The following ILDR2 variants were observed in gnomAD, a reference collection of about 807,000 sequenced individuals.
ILDR2 encodes the protein immunoglobulin like domain containing receptor 2.
In ILDR2, 25 loss-of-function variants were observed where a neutral mutation model predicts 66.8. The observed-to-expected ratio is 0.37, with a 90% confidence interval of 0.27 to 0.52. The LOEUF (loss-of-function observed/expected upper bound fraction) is 0.52, where lower values mean the gene tolerates loss of function less well. ILDR2 is among the 20% of genes least tolerant of loss of function. ILDR2 has a pLI of 0.88. For missense variants in ILDR2, 827 were observed against 876.8 expected, an observed-to-expected ratio of 0.94 and a Z score of 0.72; for synonymous variants, 367 against 357.2, an observed-to-expected ratio of 1.03 and a Z score of -0.31.
rs1450193547 is a variant in ILDR2 at position 166,917,184 on chromosome 1, G to A, written c.*2171C>T. ...TATGGCTTGTGTCTTCCAGCCCTTG[G>A]AAGTGCCAGCACTGGGTTCAACTGT... On this transcript the variant is annotated 3_prime_UTR_variant, in exon 10 of 10. Transcript: ENST00000271417. 2 of 152,306 alleles carry A rather than the reference G, an allele frequency of 1.3e-5. No homozygotes were observed. Among genetic ancestry groups the A allele is most frequent in the Non-Finnish European group, 2.9e-5 (2 of 68,112 alleles). 9.4% of individuals were successfully genotyped at this position (152,306 alleles called of 1,614,324 possible).
At chr1:166,969,520 T>C (rs892726751) in intron 1 of ILDR2, among the ~76,000 whole-genome samples, 4 of 152,262 alleles carry the variant, frequency 2.6e-5, no homozygotes, top group Admixed American at 2.6e-4. Flanking sequence ...TGGGCTCTGA[T>C]GTGCCATCAG....
Position 166,909,507 on chromosome 1 carries a change from T to A in ILDR2, c.*9848A>T, listed in dbSNP as rs573323267. On this transcript the variant is annotated 3_prime_UTR_variant, in exon 10 of 10. Transcript: ENST00000271417. ...CTTCCTGTCATTTGCAACCAAAAAT[T>A]TTTTTACTAATACAGCTGCCAAAGG... is the stretch of plus-strand genomic sequence containing the variant. 1 of 151,700 alleles carries A rather than the reference T, an allele frequency of 6.6e-6. No homozygotes were observed. The highest frequency in any genetic ancestry group is 6.6e-5 in the Admixed American group (1 of 15,224). 9.4% of individuals were successfully genotyped at this position (151,700 alleles called of 1,614,324 possible). A position where few individuals can be genotyped will look rare whatever the true frequency, so the allele number is the denominator to read the frequency against.
At chr1:166,951,584 G>A (rs1256742946) in intron 3 of ILDR2, among the ~76,000 whole-genome samples, 1 of 151,994 alleles carries the variant, frequency 6.6e-6, no homozygotes, top group Non-Finnish European at 1.5e-5. Context: ...GTACTTTTCT[G>A]TTTTGTTTGA....
chr1:166,970,509 T>C (rs1663222213), intron 1 of ILDR2, among the ~76,000 whole-genome samples: 2 of 152,150 alleles, frequency 1.3e-5, no homozygotes, highest in Non-Finnish European at 1.5e-5. Flanking sequence ...TGCTCAATAT[T>C]TAAGACCAAG....
At chr1:166,969,956 C>A (rs541811209) in intron 1 of ILDR2, among the ~76,000 whole-genome samples, 6 of 152,248 alleles carry the variant, frequency 3.9e-5, no homozygotes, top group African/African-American at 1.4e-4. Flanking sequence ...TTGGCAAGAT[C>A]AAATGGGATA....
At chr1:166,953,433 T>C (rs1662103855) in intron 3 of ILDR2, among the ~76,000 whole-genome samples, 1 of 152,324 alleles carries the variant, frequency 6.6e-6, no homozygotes, top group South Asian at 2.1e-4. Context: ...TTGCCTCTAA[T>C]TTACATCTTT....
intron 6 of ILDR2, 111 bp downstream of exon 6, chr1:166,935,190 G>C: frequency 9.3e-7 from 1 of 1,073,148 alleles, no homozygotes; most frequent in Middle Eastern, 2.8e-4. Context: ...TTCTGGAACA[G>C]AGAAAACTAT....
At position 166,958,076 on chromosome 1, in the gene ILDR2, T is replaced by C. The variant is rs1361803053; in HGVS notation, c.72A>G (p.Thr24=). ...LTAMVEGLQV[T]VPDKKKVAML... is the part of the protein sequence containing the mutation. Reference sequence around the variant, plus strand: ...TGGCCACCTTCTTCTTGTCGGGCACTGTGACCTGAAGGCCTTCGACCATGG... The same window carrying C: ...TGGCCACCTTCTTCTTGTCGGGCACCGTGACCTGAAGGCCTTCGACCATGG... The change falls in exon 2 of 10, where the codon ACA becomes ACG. Residue 24 remains threonine, a synonymous_variant. Coordinates refer to ENST00000271417, the MANE Select transcript of ILDR2 (RefSeq NM_199351.3). The C allele has an allele frequency of 6.2e-7, 1 of 1,611,800 alleles. No individual in the cohort carries two copies. Among genetic ancestry groups the C allele is most frequent in the Non-Finnish European group, 8.5e-7 (1 of 1,178,114 alleles).
chr1:166,973,640 T>C, intron 1 of ILDR2, among the ~76,000 whole-genome samples: 1 of 113,440 alleles, frequency 8.8e-6, no homozygotes, highest in African/African-American at 3.2e-5. Context: ...CCTGGCTGAC[T>C]TCAGTGCTGT....
chr1:166,944,526 C>T (rs1661504922), intron 3 of ILDR2, among the ~76,000 whole-genome samples: 1 of 152,182 alleles, frequency 6.6e-6, no homozygotes, highest in South Asian at 2.1e-4. Context: ...TGGGGCCTTT[C>T]CCTGGAGACC....
intron 3 of ILDR2, among the ~76,000 whole-genome samples, chr1:166,950,797 C>T (rs1297419491): frequency 6.6e-6 from 1 of 151,448 alleles, no homozygotes; most frequent in Non-Finnish European, 1.5e-5. Flanking sequence ...TGTAATATAA[C>T]TGTACTTCTG....
chr1:166,954,332 G>A (rs1348670181), intron 3 of ILDR2, among the ~76,000 whole-genome samples: 2 of 152,122 alleles, frequency 1.3e-5, no homozygotes, highest in Admixed American at 1.3e-4. Context: ...CAACTGTGAT[G>A]GCATTTTGAA....
chr1:166,901,095 C>T (rs926852229), intron 2 of ILDR2, among the ~76,000 whole-genome samples: 2 of 152,172 alleles, frequency 1.3e-5, no homozygotes, highest in Admixed American at 6.5e-5. Flanking sequence ...GGTCACCTTC[C>T]ATTTTTAGCA....
Position 166,936,861 on chromosome 1 carries a change from TAA to T in ILDR2, c.557-126_557-125del. On this transcript the variant is annotated intron_variant, in intron 4 of 9. Transcript: ENST00000271417. This position sits in a 1 kb window ranked among gnomAD's most constrained non-coding sequence, Gnocchi z 5.0. The stretch of plus-strand genomic sequence containing the variant: ...GGGACCTAGGGAAGAAAGCTTCTCT[TAA>T]CAGGAGACAGAGCCCCAACACTCAA... 2.2e-6 allele frequency: 2 copies of T among 896,254 alleles called. No homozygotes were observed. Among genetic ancestry groups the T allele is most frequent in the Non-Finnish European group, 3.5e-6 (2 of 573,058 alleles). 55.5% of individuals were successfully genotyped at this position (896,254 alleles called of 1,614,324 possible). A position where few individuals can be genotyped will look rare whatever the true frequency, so the allele number is the denominator to read the frequency against.
chr1:166,961,477 T>A (rs1326312822), intron 1 of ILDR2, among the ~76,000 whole-genome samples: 1 of 152,202 alleles, frequency 6.6e-6, no homozygotes, highest in African/African-American at 2.4e-5. Context: ...ATCTGCCTTT[T>A]TATAGCATGA....
At chr1:166,955,909 G>A (rs111539622) in intron 3 of ILDR2, among the ~76,000 whole-genome samples, 73 of 152,190 alleles carry the variant, frequency 4.8e-4, no homozygotes, top group African/African-American at 1.7e-3. Flanking sequence ...ATGGCTTTAG[G>A]TGTATATCCT....
chr1:166,922,589 T>C lies in ILDR2; in HGVS notation c.1211+4A>G. The C allele has an allele frequency of 6.2e-7, 1 of 1,612,868 alleles. No individual in the cohort carries two copies. Among genetic ancestry groups the C allele is most frequent in the Non-Finnish European group, 8.5e-7 (1 of 1,179,560 alleles). ...CGACCAGACCTGCCCCTCACAGCCA[T>C]CACCTGTGCCTGAAGCTCTCTCGAT... On this transcript the variant is annotated splice_donor_region_variant and intron_variant, in intron 8 of 9. Transcript: ENST00000271417.
At chr1:166,967,640 C>T (rs1272266578) in intron 1 of ILDR2, among the ~76,000 whole-genome samples, 1 of 152,070 alleles carries the variant, frequency 6.6e-6, no homozygotes, top group Non-Finnish European at 1.5e-5. Context: ...GCCTGTAGTC[C>T]CAGCTTCTTG....
At chr1:166,944,220 A>C (rs1347704927) in intron 3 of ILDR2, among the ~76,000 whole-genome samples, 1 of 152,228 alleles carries the variant, frequency 6.6e-6, no homozygotes, top group Non-Finnish European at 1.5e-5. Context: ...GCCACTTTTG[A>C]AGTTATCCTC....
Sources: allele counts gnomAD v4.1 joint callset (sites outside exome capture counted in the v4.1 genomes callset), GRCh38; gene constraint gnomAD v4.1.1; non-coding constraint Gnocchi (gnomAD v3.1); transcripts MANE v1.5; gene names NCBI Gene and HGNC (gene_info 2026-07-23, HGNC 2026-07-21).